The following DTNB variants were observed in gnomAD, a reference collection of about 807,000 sequenced individuals.
DTNB encodes dystrobrevin beta.
Under a neutral mutation model 90.7 loss-of-function variants are expected in DTNB, and 63 were observed. That is an observed-to-expected ratio of 0.69 (90% confidence interval 0.57 to 0.86). The LOEUF is 0.86. Ranked by LOEUF, DTNB falls within the 40% of genes least tolerant of loss-of-function variation. The pLI, the probability that DTNB is intolerant of heterozygous loss-of-function variation, is 0.00. For missense variants in DTNB, 744 were observed against 807.1 expected (o/e 0.92, Z 0.95); for synonymous variants, 277 against 286.7 (o/e 0.97, Z 0.34).
intron 8 of DTNB, among the ~76,000 whole-genome samples, chr2:25,555,769 C>A (rs2057234600): frequency 1.3e-5 from 2 of 151,950 alleles, no homozygotes; most frequent in Non-Finnish European, 2.9e-5. Flanking sequence ...TAATCCCAGT[C>A]CTTTGGGAGG....
chr2:25,455,227 C>T (rs755363192), intron 11 of DTNB, among the ~76,000 whole-genome samples, 178 bp downstream of exon 11: 2 of 152,214 alleles, frequency 1.3e-5, no homozygotes, highest in Non-Finnish European at 2.9e-5. Flanking sequence ...CTTGGCAAGC[C>T]TCCCTCTCTT....
In DTNB at chr2:25,535,728, G is replaced by A. The variant is rs1432614089; in HGVS notation, c.877-4131C>T. ...CGCTCCTCACTTCCTAGACGGGGTG[G>A]CTGCCGGGCAGAGGCGCTCCTCACT... On this transcript the variant is annotated intron_variant, in intron 8 of 20. Coordinates refer to ENST00000406818, the MANE Select transcript of DTNB (RefSeq NM_021907.5). Among the ~76,000 whole-genome samples the A allele has an allele frequency of 1.2e-4, 18 of 145,876 alleles. 1 individual carries two copies. Among genetic ancestry groups the A allele is most frequent in the Admixed American group, 4.8e-4 (7 of 14,726 alleles).
intron 10 of DTNB, among the ~76,000 whole-genome samples, chr2:25,475,093 G>A (rs1448903815): frequency 6.6e-6 from 1 of 152,194 alleles, no homozygotes; most frequent in Non-Finnish European, 1.5e-5. Context: ...GAAAGGAAGA[G>A]TTGCATATCT....
intron 8 of DTNB, among the ~76,000 whole-genome samples, chr2:25,573,371 C>T (rs2060171115): frequency 6.6e-6 from 1 of 152,056 alleles, no homozygotes; most frequent in Non-Finnish European, 1.5e-5. Context: ...GAGACCATAC[C>T]CTTCATCTGA....
At chr2:25,658,256 C>CA (rs896773539) in intron 1 of DTNB, among the ~76,000 whole-genome samples, 1,290 of 64,792 alleles carry the variant, frequency 0.02, 16 homozygotes, top group African/African-American at 0.056. Flanking sequence ...GACTCCATCT[C>CA]AAAAAAAAAA....
chr2:25,384,084 G>A (rs977594764), intron 18 of DTNB, among the ~76,000 whole-genome samples, 195 bp from the exon 19 acceptor site: 2 of 152,244 alleles, frequency 1.3e-5, no homozygotes, highest in Non-Finnish European at 2.9e-5. Context: ...ATAGGAGCCC[G>A]TAAGACCACA....
chr2:25,480,577 A>G (rs1437882331), intron 10 of DTNB, among the ~76,000 whole-genome samples: 2 of 152,206 alleles, frequency 1.3e-5, no homozygotes, highest in Non-Finnish European at 2.9e-5. Flanking sequence ...TTTTCAAGCA[A>G]TAAAACACTG....
intron 9 of DTNB, among the ~76,000 whole-genome samples, chr2:25,524,390 A>G (rs2076706512): frequency 6.6e-6 from 1 of 150,838 alleles, no homozygotes; most frequent in Non-Finnish European, 1.5e-5. Flanking sequence ...CTGAAAGAGA[A>G]TCTACCAGAG....
At chr2:25,655,046 C>T (rs768473) in intron 1 of DTNB, among the ~76,000 whole-genome samples, 1 of 152,222 alleles carries the variant, frequency 6.6e-6, no homozygotes. Flanking sequence ...CAGACCCTGC[C>T]TTCATTCTAT....
intron 12 of DTNB, among the ~76,000 whole-genome samples, chr2:25,448,467 C>A (rs2058751194): frequency 6.6e-6 from 1 of 152,218 alleles, no homozygotes; most frequent in Non-Finnish European, 1.5e-5. Context: ...AAACACACTG[C>A]AAATCCCTGG....
At chr2:25,523,923 CAG>C (rs752195286) in intron 9 of DTNB, among the ~76,000 whole-genome samples, 33 of 126,990 alleles carry the variant, frequency 2.6e-4, no homozygotes, top group Non-Finnish European at 4.4e-4. Flanking sequence ...TTTTTTGAGA[CAG>C]AGTTTCCCTC....
intron 9 of DTNB, among the ~76,000 whole-genome samples, chr2:25,511,552 G>A (rs1259362635): frequency 1.3e-5 from 2 of 152,006 alleles, no homozygotes; most frequent in Non-Finnish European, 2.9e-5. Flanking sequence ...GGCTGGTCTC[G>A]AACTCCTGAC....
chr2:25,417,360 CCT>C (rs749310708), intron 16 of DTNB, among the ~76,000 whole-genome samples: 5 of 152,176 alleles, frequency 3.3e-5, no homozygotes, highest in Non-Finnish European at 7.4e-5. Context: ...TATTTAATCC[CCT>C]GTCTGCTCAA....
intron 1 of DTNB, among the ~76,000 whole-genome samples, chr2:25,672,626 A>G (rs1290342500): frequency 6.6e-6 from 1 of 152,178 alleles, no homozygotes; most frequent in Non-Finnish European, 1.5e-5. Context: ...GGGAAAAGAC[A>G]AAAGAGACCG....
chr2:25,553,231 CT>C (rs1244279441), intron 8 of DTNB, among the ~76,000 whole-genome samples: 1 of 151,882 alleles, frequency 6.6e-6, no homozygotes, highest in Non-Finnish European at 1.5e-5. Flanking sequence ...GGGAGTATGC[CT>C]ATAGTCATAG....
At chr2:25,538,417 T>C (rs2080339547) in intron 8 of DTNB, among the ~76,000 whole-genome samples, 1 of 152,066 alleles carries the variant, frequency 6.6e-6, no homozygotes. Flanking sequence ...AATCTACATA[T>C]ATATACACAC....
chr2:25,432,538 T>C (rs930472093), intron 14 of DTNB, among the ~76,000 whole-genome samples: 2 of 152,224 alleles, frequency 1.3e-5, no homozygotes, highest in African/African-American at 4.8e-5. Context: ...CAAAGCATTC[T>C]TCCCGCCAAG....
intron 4 of DTNB, among the ~76,000 whole-genome samples, chr2:25,608,919 G>A (rs529048612): frequency 9.8e-5 from 15 of 152,320 alleles, no homozygotes; most frequent in African/African-American, 3.6e-4. Flanking sequence ...AACTCCAGAA[G>A]AATCCACCTA....
At chr2:25,581,480 T>C (rs1459138739) in intron 6 of DTNB, among the ~76,000 whole-genome samples, 1 of 152,228 alleles carries the variant, frequency 6.6e-6, no homozygotes, top group Non-Finnish European at 1.5e-5. Flanking sequence ...CAAATGCCCA[T>C]CACAATGCTC....
Sources: gnomAD v4.1 joint callset for allele counts (sites outside exome capture counted in the v4.1 genomes callset) on GRCh38, gnomAD v4.1.1 for gene constraint, MANE v1.5 for transcripts, NCBI Gene and HGNC (gene_info 2026-07-23, HGNC 2026-07-21) for gene names.